PARD3B: variants seen among roughly 807,000 people sequenced by gnomAD.
PARD3B encodes partitioning defective 3 homolog B.
A neutral mutation model predicts 130.2 loss-of-function variants in PARD3B; 103 were observed. The observed-to-expected ratio is 0.79, with a 90% CI of 0.67 to 0.93. The LOEUF (loss-of-function observed/expected upper bound fraction) is 0.93. PARD3B is among the 40% of genes least tolerant of loss of function. The probability of loss-of-function intolerance (pLI) is 0.00; values close to 1 mark genes in which losing one functional copy is unlikely to be tolerated. For synonymous variants in PARD3B, 583 were observed against 553.2 expected, an observed-to-expected ratio of 1.05 and a Z score of -0.76; for missense variants, 1,609 against 1,499.2, an observed-to-expected ratio of 1.07 and a Z score of -1.21.
chr2:205,144,671 T>C (rs1455325515), intron 10 of PARD3B, among the ~76,000 whole-genome samples: 1 of 152,216 alleles, frequency 6.6e-6, no homozygotes, highest in African/African-American at 2.4e-5. Flanking sequence ...ATGTTGTAGA[T>C]ATGGTAAGAA....
intron 1 of PARD3B, among the ~76,000 whole-genome samples, chr2:204,646,837 A>G (rs186662359): frequency 5.3e-5 from 8 of 152,150 alleles, no homozygotes; most frequent in Non-Finnish European, 8.8e-5. Flanking sequence ...TATAGTAAGT[A>G]AACAATGCAT....
At chr2:205,614,901 A>G (rs895963142) in intron 22 of PARD3B, among the ~76,000 whole-genome samples, 3 of 152,104 alleles carry the variant, frequency 2.0e-5, no homozygotes, top group African/African-American at 7.2e-5. Flanking sequence ...AGTGCAGTCC[A>G]TGGAAACTTT....
rs747259581 is a variant in PARD3B at position 205,300,009 on chromosome 2, A to G, written c.2186-521A>G. On this transcript the variant is annotated intron_variant, in intron 16 of 22. Coordinates refer to ENST00000406610, the MANE Select transcript of PARD3B (RefSeq NM_001302769.2). The surrounding 1 kb of genome is among the most constrained non-coding windows in gnomAD (Gnocchi z 4.1). ...ATGTTCTTTTATTTCCATGCCCAGTATGTTCCTTACTAATCATATGAGCAA... is the reference window on the plus strand; with the variant it reads ...ATGTTCTTTTATTTCCATGCCCAGTGTGTTCCTTACTAATCATATGAGCAA... 2.0e-5 allele frequency among the ~76,000 whole-genome samples: 3 copies of G among 152,208 alleles called. No individual in the cohort carries two copies. Among genetic ancestry groups the G allele is most frequent in the Non-Finnish European group, 4.4e-5 (3 of 68,036 alleles).
chr2:204,721,939 G>A (rs1247932320), intron 2 of PARD3B, among the ~76,000 whole-genome samples: 1 of 152,050 alleles, frequency 6.6e-6, no homozygotes, highest in Non-Finnish European at 1.5e-5. Flanking sequence ...GCATGCAGAG[G>A]CACTTTGTAA....
chr2:205,249,011 T>G (rs866496636), intron 16 of PARD3B, among the ~76,000 whole-genome samples: 14 of 143,214 alleles, frequency 9.8e-5, no homozygotes, highest in East Asian at 6.5e-4. Context: ...TAAGAGTTTT[T>G]TTTTTTTTTT....
chr2:204,698,912 A>G (rs1295408078), intron 2 of PARD3B, among the ~76,000 whole-genome samples: 1 of 152,110 alleles, frequency 6.6e-6, no homozygotes, highest in African/African-American at 2.4e-5. Flanking sequence ...ACTGGAGACT[A>G]TATTTAAAGC....
chr2:205,508,014 C>T (rs2050439993), intron 21 of PARD3B, among the ~76,000 whole-genome samples: 1 of 152,176 alleles, frequency 6.6e-6, no homozygotes, highest in Non-Finnish European at 1.5e-5. Context: ...TAGCAATTCA[C>T]CCCAGAACGA....
intron 18 of PARD3B, among the ~76,000 whole-genome samples, chr2:205,374,141 A>C (rs2044935763): frequency 6.7e-6 from 1 of 149,988 alleles, no homozygotes. Context: ...TCTTTTTCCT[A>C]TTTAAAATTA....
chr2:204,810,666 T>A (rs1259165086), intron 2 of PARD3B, among the ~76,000 whole-genome samples: 2 of 152,210 alleles, frequency 1.3e-5, no homozygotes, highest in African/African-American at 4.8e-5. Flanking sequence ...GCCTACTTGA[T>A]CTTGGTGGAT....
At chr2:205,145,426 G>A (rs1322600276) in intron 10 of PARD3B, among the ~76,000 whole-genome samples, 1 of 152,016 alleles carries the variant, frequency 6.6e-6, no homozygotes, top group African/African-American at 2.4e-5. Flanking sequence ...ATTTCAGAAC[G>A]TACCTGCTGC....
chr2:205,336,004 A>T (rs1051159274), intron 18 of PARD3B, among the ~76,000 whole-genome samples: 2 of 152,122 alleles, frequency 1.3e-5, no homozygotes, highest in Admixed American at 1.3e-4. Flanking sequence ...TCAAGATGAC[A>T]TTTGGGTGGG....
At chr2:205,313,195 T>C (rs911416975) in intron 18 of PARD3B, among the ~76,000 whole-genome samples, 3 of 152,198 alleles carry the variant, frequency 2.0e-5, no homozygotes, top group African/African-American at 7.2e-5. Flanking sequence ...GATTGTTTGG[T>C]TGGCATTTAT....
Position 205,294,499 on chromosome 2 carries a change from A to G in PARD3B, c.2186-6031A>G, listed in dbSNP as rs374856430. 9.2e-5 allele frequency among the ~76,000 whole-genome samples: 14 copies of G among 152,332 alleles called. No homozygotes were observed. In the East Asian group the frequency reaches 9.6e-4, roughly 10 times the overall value. ...GAAGGAATTTTTAGTAAAGAAAATT[A>G]AAGTATATAGCAATACTTGGCAAAC... On this transcript the variant is annotated intron_variant, in intron 16 of 22. Transcript: ENST00000406610.
chr2:204,710,742 C>G (rs1444256985), intron 2 of PARD3B, among the ~76,000 whole-genome samples: 2 of 152,154 alleles, frequency 1.3e-5, no homozygotes, highest in African/African-American at 4.8e-5. Context: ...TTGTCCTATC[C>G]TCTGTGTTGG....
intron 18 of PARD3B, among the ~76,000 whole-genome samples, chr2:205,332,847 C>T (rs912424065): frequency 6.6e-6 from 1 of 152,090 alleles, no homozygotes; most frequent in Non-Finnish European, 1.5e-5. Context: ...CTAATCCTCC[C>T]CACAGCCATA....
chr2:205,324,672 C>G (rs1317987327), intron 18 of PARD3B, among the ~76,000 whole-genome samples: 1 of 152,078 alleles, frequency 6.6e-6, no homozygotes, highest in Non-Finnish European at 1.5e-5. Context: ...TGTTAGCTTT[C>G]TGGCAGCTAC....
intron 2 of PARD3B, among the ~76,000 whole-genome samples, chr2:204,891,335 A>G (rs547904976): frequency 6.6e-6 from 1 of 152,278 alleles, no homozygotes; most frequent in East Asian, 1.9e-4. Context: ...GATGATATGA[A>G]CACAGATTGT....
intron 21 of PARD3B, among the ~76,000 whole-genome samples, chr2:205,523,297 T>C (rs903744774): frequency 1.3e-5 from 2 of 150,476 alleles, no homozygotes; most frequent in African/African-American, 4.9e-5. Context: ...CAGGATGCAG[T>C]GCAGTGGTGC....
At chr2:204,601,894 A>G (rs1014203540) in intron 1 of PARD3B, among the ~76,000 whole-genome samples, 3 of 152,068 alleles carry the variant, frequency 2.0e-5, no homozygotes, top group African/African-American at 7.2e-5. Flanking sequence ...GTTTAATTAC[A>G]ATGAAGTTGA....
Sources: allele counts gnomAD v4.1 joint callset (sites outside exome capture counted in the v4.1 genomes callset), GRCh38; gene constraint gnomAD v4.1.1; non-coding constraint Gnocchi (gnomAD v3.1); transcripts MANE v1.5; gene names NCBI Gene and HGNC (gene_info 2026-07-23, HGNC 2026-07-21).